NTRK3: variants seen among roughly 807,000 people sequenced by gnomAD.
The protein encoded by NTRK3 is neurotrophic receptor tyrosine kinase 3.
A neutral mutation model predicts 91.7 loss-of-function variants in NTRK3; 24 were observed. The ratio of observed to expected loss-of-function variants is 0.26; its 90% CI spans 0.19 to 0.37. NTRK3 has a LOEUF of 0.37. Ranked by LOEUF, NTRK3 falls within the 10% of genes least tolerant of loss-of-function variation. The pLI is 1.00. For missense variants in NTRK3, 880 were observed against 1,068.9 expected, an observed-to-expected ratio of 0.82 and a Z score of 2.46; for synonymous variants, 483 against 404.0, an observed-to-expected ratio of 1.20 and a Z score of -2.34.
intron 11 of NTRK3, 44 bp from the exon 12 acceptor site, chr15:88,127,270 G>T (rs1345797709): frequency 6.5e-7 from 1 of 1,544,400 alleles, no homozygotes; most frequent in Non-Finnish European, 8.9e-7. Context: ...TAGCTTCCCG[G>T]CTGGGGAGGC....
At chr15:87,980,814 G>A (rs2074193631) in intron 14 of NTRK3, among the ~76,000 whole-genome samples, 1 of 152,124 alleles carries the variant, frequency 6.6e-6, no homozygotes, top group Non-Finnish European at 1.5e-5. Flanking sequence ...AACCTTCCTT[G>A]CCTATGACAT....
intron 3 of NTRK3, among the ~76,000 whole-genome samples, chr15:88,227,422 G>T (rs2050768405): frequency 6.6e-6 from 1 of 152,166 alleles, no homozygotes; most frequent in Non-Finnish European, 1.5e-5. Flanking sequence ...AAGATACAAT[G>T]AGGTCATTAG....
At chr15:87,944,888 T>A (rs762567675) in intron 14 of NTRK3, among the ~76,000 whole-genome samples, 5 of 152,234 alleles carry the variant, frequency 3.3e-5, no homozygotes, top group Non-Finnish European at 5.9e-5. Flanking sequence ...ACGCGTCTAT[T>A]TGGGTCCCTG....
At chr15:88,039,399 T>A (rs915061083) in intron 13 of NTRK3, among the ~76,000 whole-genome samples, 1 of 152,238 alleles carries the variant, frequency 6.6e-6, no homozygotes, top group African/African-American at 2.4e-5. Flanking sequence ...CTTGTTTTTT[T>A]CTTCAGATCC....
At chr15:88,014,447 A>G (rs917474869) in intron 14 of NTRK3, among the ~76,000 whole-genome samples, 1 of 152,192 alleles carries the variant, frequency 6.6e-6, no homozygotes, top group African/African-American at 2.4e-5. Flanking sequence ...GATCTCTGAG[A>G]TATTTTTCAG....
chr15:87,988,915 T>A, intron 14 of NTRK3, among the ~76,000 whole-genome samples: 1 of 152,252 alleles, frequency 6.6e-6, no homozygotes, highest in African/African-American at 2.4e-5. Context: ...GTTTCATACT[T>A]TTTTTTATTT....
chr15:88,151,608 G>A (rs1002543647), intron 5 of NTRK3, among the ~76,000 whole-genome samples: 8 of 152,176 alleles, frequency 5.3e-5, no homozygotes, highest in Admixed American at 2.6e-4. Flanking sequence ...TCAATAAGAC[G>A]GACCCTGTTG....
chr15:88,057,829 C>T (rs1266179607), intron 13 of NTRK3, among the ~76,000 whole-genome samples: 1 of 152,226 alleles, frequency 6.6e-6, no homozygotes, highest in Non-Finnish European at 1.5e-5. Flanking sequence ...AAAATGACTC[C>T]CAATATCTTT....
At chr15:88,203,446 AC>A (rs2048467789) in intron 3 of NTRK3, among the ~76,000 whole-genome samples, 1 of 151,972 alleles carries the variant, frequency 6.6e-6, no homozygotes, top group Non-Finnish European at 1.5e-5. Context: ...CTCTGCATTT[AC>A]CCCCCTAATC....
intron 3 of NTRK3, among the ~76,000 whole-genome samples, chr15:88,242,735 C>G (rs917093635): frequency 7.2e-5 from 11 of 152,318 alleles, no homozygotes; most frequent in African/African-American, 2.2e-4. Flanking sequence ...GCCCTGCTAG[C>G]GCATCTGCTC....
intron 3 of NTRK3, among the ~76,000 whole-genome samples, chr15:88,222,375 C>T (rs374236237): frequency 9.2e-5 from 14 of 152,226 alleles, no homozygotes; most frequent in African/African-American, 2.2e-4. Flanking sequence ...CAAGGTCACA[C>T]GGCTGGCAAG....
intron 13 of NTRK3, among the ~76,000 whole-genome samples, chr15:88,114,485 T>C (rs528192586): frequency 2.0e-5 from 3 of 152,346 alleles, no homozygotes; most frequent in African/African-American, 4.8e-5. Context: ...AAATATATTG[T>C]AAACATGTTC....
intron 14 of NTRK3, among the ~76,000 whole-genome samples, chr15:87,988,849 C>T (rs1234869005): frequency 3.3e-5 from 5 of 152,116 alleles, no homozygotes; most frequent in Admixed American, 3.3e-4. Flanking sequence ...AAGAATATTA[C>T]TGAATAAAAG....
chr15:88,256,349 C>A (rs1399736347), exon 2 of NTRK3: 9 of 634,610 alleles, frequency 1.4e-5, no homozygotes, highest in Non-Finnish European at 2.5e-5. Flanking sequence ...GACGCCGCCG[C>A]CGCCGCCGCC....
At chr15:87,928,550 G>A (rs2068523161) in intron 17 of NTRK3, 2 of 156,272 alleles carry the variant, frequency 1.3e-5, no homozygotes, top group Admixed American at 6.1e-5. Context: ...AAACTGAGCA[G>A]GATGGATCTT....
intron 13 of NTRK3, among the ~76,000 whole-genome samples, chr15:88,087,329 G>C (rs2048592596): frequency 6.6e-6 from 1 of 152,144 alleles, no homozygotes; most frequent in Non-Finnish European, 1.5e-5. Context: ...TCTGCAAGCG[G>C]CCCTGGGGGA....
chr15:88,010,686 C>G (rs1451093542), intron 14 of NTRK3, among the ~76,000 whole-genome samples: 1 of 151,848 alleles, frequency 6.6e-6, no homozygotes, highest in Non-Finnish European at 1.5e-5. Context: ...CACTTAAGAG[C>G]CAATAACAGA....
intron 16 of NTRK3, chr15:87,930,960 C>G (rs1274291797): frequency 3.7e-6 from 1 of 270,476 alleles, no homozygotes; most frequent in Non-Finnish European, 7.3e-6. Context: ...TAGAACTGTA[C>G]TCACAGGCAT....
At chr15:87,978,597 G>C (rs909894575) in intron 14 of NTRK3, 1 of 230,696 alleles carries the variant, frequency 4.3e-6, no homozygotes, top group Non-Finnish European at 8.6e-6. Context: ...TAAGGGCCCA[G>C]GAAGAGCCTG....
Sources: allele counts gnomAD v4.1 joint callset (sites outside exome capture counted in the v4.1 genomes callset), GRCh38; gene constraint gnomAD v4.1.1; transcripts MANE v1.5; gene names NCBI Gene and HGNC (gene_info 2026-07-23, HGNC 2026-07-21).